Variants in MACROD2 observed in about 807,000 individuals in gnomAD.
The protein encoded by MACROD2 is mono-ADP ribosylhydrolase 2.
In MACROD2, 36 loss-of-function variants were observed where a neutral mutation model predicts 70.4. That is an observed-to-expected ratio of 0.51 (90% CI 0.39 to 0.68). The LOEUF (loss-of-function observed/expected upper bound fraction) is 0.68. Ranked by LOEUF, MACROD2 falls within the 30% of genes least tolerant of loss-of-function variation. MACROD2 has a pLI of 0.00. For missense variants in MACROD2, 496 were observed against 538.4 expected (o/e 0.92, Z 0.78); for synonymous variants, 172 against 178.8 (o/e 0.96, Z 0.30).
intron 3 of MACROD2, among the ~76,000 whole-genome samples, chr20:14,202,627 A>C (rs905410775): frequency 2.0e-5 from 3 of 152,218 alleles, no homozygotes; most frequent in African/African-American, 7.2e-5. Flanking sequence ...ATCAGAAGTA[A>C]ACAAGAATAT....
chr20:14,784,979 A>G (rs1388727757), intron 5 of MACROD2, among the ~76,000 whole-genome samples: 1 of 152,066 alleles, frequency 6.6e-6, no homozygotes, highest in Admixed American at 6.5e-5. Flanking sequence ...TATTTTTCTG[A>G]GAAGAAAGAA....
chr20:15,309,212 C>A (rs2077727537), intron 6 of MACROD2, among the ~76,000 whole-genome samples: 1 of 152,150 alleles, frequency 6.6e-6, no homozygotes, highest in Non-Finnish European at 1.5e-5. Flanking sequence ...TGAGAAAAAT[C>A]TTATAGATTA....
intron 3 of MACROD2, among the ~76,000 whole-genome samples, chr20:14,274,674 G>T (rs1310884954): frequency 6.6e-6 from 1 of 152,104 alleles, no homozygotes; most frequent in African/African-American, 2.4e-5. Context: ...AGGAAATAAA[G>T]TGTATTCAAT....
At chr20:14,623,131 G>T (rs1477055856) in intron 4 of MACROD2, 2 of 152,054 alleles carry the variant, frequency 1.3e-5, no homozygotes, top group South Asian at 2.1e-4. Flanking sequence ...TAATGCCAAA[G>T]TTCTCTGTAA....
At chr20:14,594,040 A>C (rs1012883977) in intron 4 of MACROD2, among the ~76,000 whole-genome samples, 1 of 152,198 alleles carries the variant, frequency 6.6e-6, no homozygotes, top group African/African-American at 2.4e-5. Context: ...CAAACAGATA[A>C]ATAAATATAC....
intron 15 of MACROD2, among the ~76,000 whole-genome samples, chr20:16,016,770 T>A (rs2066935475): frequency 6.6e-6 from 1 of 152,124 alleles, no homozygotes; most frequent in African/African-American, 2.4e-5. Context: ...GAAACTGAGC[T>A]TTTAATATCC....
chr20:15,564,845 T>C (rs1600597873), intron 8 of MACROD2, among the ~76,000 whole-genome samples: 2 of 152,204 alleles, frequency 1.3e-5, no homozygotes, highest in East Asian at 1.9e-4. Context: ...ATGAACATCT[T>C]GCCACTTTAC....
chr20:15,486,709 T>C (rs1276903902), intron 7 of MACROD2, among the ~76,000 whole-genome samples: 4 of 152,190 alleles, frequency 2.6e-5, no homozygotes, highest in Admixed American at 2.6e-4. Context: ...AGATAGTCAG[T>C]AATTGAAGCC....
At chr20:14,919,128 C>T (rs1015554982) in intron 5 of MACROD2, among the ~76,000 whole-genome samples, 10 of 152,190 alleles carry the variant, frequency 6.6e-5, no homozygotes, top group African/African-American at 7.2e-5. Flanking sequence ...TTCATTCTCA[C>T]AAATAGATGG....
chr20:14,738,593 C>A (rs1308398311), intron 5 of MACROD2, among the ~76,000 whole-genome samples: 1 of 152,082 alleles, frequency 6.6e-6, no homozygotes, highest in Non-Finnish European at 1.5e-5. Flanking sequence ...ATATTTGACA[C>A]ATTTTGAATG....
chr20:14,694,363 A>G (rs917626868), intron 5 of MACROD2, among the ~76,000 whole-genome samples: 6 of 152,098 alleles, frequency 3.9e-5, no homozygotes, highest in African/African-American at 1.4e-4. Context: ...AAATTACTTA[A>G]TTTTTCCCAG....
At chr20:15,511,566 G>T (rs913633958) in intron 8 of MACROD2, among the ~76,000 whole-genome samples, 2 of 152,170 alleles carry the variant, frequency 1.3e-5, no homozygotes, top group African/African-American at 4.8e-5. Context: ...GAATTTTAAA[G>T]AAAAATTTTG....
intron 15 of MACROD2, among the ~76,000 whole-genome samples, chr20:16,033,695 C>A (rs1393905125): frequency 6.6e-6 from 1 of 151,958 alleles, no homozygotes; most frequent in Non-Finnish European, 1.5e-5. Context: ...GCAGAACTTG[C>A]CCCCAAATCA....
Position 14,924,846 on chromosome 20 carries a change from A to G in MACROD2, c.418+239887A>G, listed in dbSNP as rs1057282533. On this transcript the variant is annotated intron_variant, in intron 5 of 17. Transcript: ENST00000684519. ...TTCTTGTCACAGTTACTATCATTAA[A>G]ACATATTAAAAACATGGAAAGGGCT... Among the ~76,000 whole-genome samples, 35 of 152,186 alleles carry G rather than the reference A, an allele frequency of 2.3e-4. 1 individual carries two copies. The highest frequency in any genetic ancestry group is 4.6e-4 in the Admixed American group (7 of 15,284).
chr20:14,894,105 C>T (rs2073797885), intron 5 of MACROD2: 1 of 152,046 alleles, frequency 6.6e-6, no homozygotes, highest in South Asian at 2.1e-4. Flanking sequence ...TGTTTTTTTA[C>T]AAACATTATT....
At chr20:15,073,466 A>ACAC (rs2075634306) in intron 5 of MACROD2, among the ~76,000 whole-genome samples, 1 of 143,952 alleles carries the variant, frequency 6.9e-6, no homozygotes, top group Admixed American at 7.0e-5. Context: ...TAATTCTCCC[A>ACAC]ACACACACAC....
chr20:15,090,553 A>G (rs1388378344), intron 5 of MACROD2, among the ~76,000 whole-genome samples: 1 of 152,122 alleles, frequency 6.6e-6, no homozygotes, highest in Non-Finnish European at 1.5e-5. Flanking sequence ...ACCGAGAACT[A>G]TAATTTTAAG....
At chr20:14,647,470 A>C (rs745413037) in intron 4 of MACROD2, among the ~76,000 whole-genome samples, 5 of 152,176 alleles carry the variant, frequency 3.3e-5, no homozygotes, top group Non-Finnish European at 7.4e-5. Flanking sequence ...ATACTAACTG[A>C]GCACATATTT....
chr20:14,013,882 A>G (rs1712760294), intron 2 of MACROD2, among the ~76,000 whole-genome samples: 2 of 151,688 alleles, frequency 1.3e-5, no homozygotes. Context: ...GGGTTTCACG[A>G]TGTTGGCCAG....
Sources: allele counts gnomAD v4.1 joint callset (sites outside exome capture counted in the v4.1 genomes callset), GRCh38; gene constraint gnomAD v4.1.1; transcripts MANE v1.5; gene names NCBI Gene and HGNC (gene_info 2026-07-23, HGNC 2026-07-21).